ABCC8: variants seen among roughly 807,000 people sequenced by gnomAD.
The protein encoded by ABCC8 is ATP binding cassette subfamily C member 8, also known as ATP-binding cassette sub-family C member 8.
In ABCC8, 137 loss-of-function variants were observed where a neutral mutation model predicts 188.0. That is an observed-to-expected ratio of 0.73 (90% CI 0.63 to 0.84). ABCC8 has a LOEUF of 0.84. Ranked by LOEUF, ABCC8 falls within the 40% of genes least tolerant of loss-of-function variation. The pLI is 0.00. For missense variants in ABCC8, 1,750 were observed against 2,072.7 expected, an observed-to-expected ratio of 0.84 and a Z score of 3.02; for synonymous variants, 797 against 846.5, an observed-to-expected ratio of 0.94 and a Z score of 1.01.
rs1954871793 is a variant in ABCC8 at position 17,412,679 on chromosome 11, T to C, written c.2543A>G (p.Asn848Ser). 6.2e-7 allele frequency: 1 copy of C among 1,611,700 alleles called. No individual in the cohort carries two copies. The highest frequency in any genetic ancestry group is 8.5e-7 in the Non-Finnish European group (1 of 1,178,904). Reference sequence around the variant, plus strand: ...ACTTGCACTCACCAAGAAGACAACGTTGGCGTGCTGGTAGAGGGCTCGGGC... The same window carrying C: ...ACTTGCACTCACCAAGAAGACAACGCTGGCGTGCTGGTAGAGGGCTCGGGC... ...SVARALYQHA[N>S]VVFLDDPFSA... The change falls in exon 21 of 39, where the codon AAC becomes AGC. Residue 848 changes from asparagine (N) to serine (S), a missense_variant. Coordinates refer to ENST00000389817, the MANE Select transcript of ABCC8 (RefSeq NM_000352.6).
At chr11:17,439,824 C>CT (rs1591825895) in intron 10 of ABCC8, among the ~76,000 whole-genome samples, 1 of 152,066 alleles carries the variant, frequency 6.6e-6, no homozygotes, top group Non-Finnish European at 1.5e-5. Context: ...TCCAGAGCCC[C>CT]TTTTTTCCAG....
intron 7 of ABCC8, among the ~76,000 whole-genome samples, chr11:17,450,246 T>C (rs973385331): frequency 8.8e-4 from 60 of 67,938 alleles, no homozygotes; most frequent in African/African-American, 3.0e-3. Flanking sequence ...TCTTTTCTTT[T>C]TCTTTCTTTC....
chr11:17,412,958 G>T (rs776437840), intron 20 of ABCC8: 2 of 1,078,420 alleles, frequency 1.9e-6, no homozygotes, highest in Non-Finnish European at 2.6e-6. Context: ...AAGATTCATT[G>T]TGTAGGCGCT....
chr11:17,454,048 G>A (rs113519523), intron 6 of ABCC8, among the ~76,000 whole-genome samples: 28 of 152,312 alleles, frequency 1.8e-4, no homozygotes, highest in African/African-American at 6.0e-4. Context: ...CTCCCCAGCA[G>A]AGCCACATCA....
At chr11:17,435,182 C>T (rs1157554322) in intron 10 of ABCC8, among the ~76,000 whole-genome samples, 5 of 152,168 alleles carry the variant, frequency 3.3e-5, no homozygotes, top group African/African-American at 9.7e-5. Flanking sequence ...CCTCCACCCC[C>T]GCCTCTCTTC....
In ABCC8 at chr11:17,461,659, G is replaced by C; in HGVS notation, c.746C>G (p.Ala249Gly). ...CATGGCGATGGGCAGCTTCCCGATG[G>C]CTCGCAAGTCGATGGGCTTCTTGTG... Reference protein sequence around the residue: ...TAHKKPIDLRAIGKLPIAMRA... With the variant: ...TAHKKPIDLRGIGKLPIAMRA... Residue 249 changes from alanine to glycine, a missense_variant, in exon 5 of 39, where the codon GCC (alanine) becomes GGC (glycine). Physicochemically the swap from Ala to Gly is moderately conservative, Grantham distance 60. Coordinates refer to ENST00000389817, the MANE Select transcript of ABCC8 (RefSeq NM_000352.6). The C allele has an allele frequency of 4.3e-6, 7 of 1,614,250 alleles. No homozygotes were observed. The highest frequency in any genetic ancestry group is 5.9e-6 in the Non-Finnish European group (7 of 1,180,048).
chr11:17,461,301 G>T (rs977962720), intron 5 of ABCC8: 4 of 511,552 alleles, frequency 7.8e-6, no homozygotes, highest in Non-Finnish European at 1.4e-5. Context: ...GTCCAGTGGG[G>T]TCACTTCCCT....
At chr11:17,436,005 G>A (rs1019477133) in intron 10 of ABCC8, 9 of 1,515,630 alleles carry the variant, frequency 5.9e-6, no homozygotes, top group Non-Finnish European at 8.2e-6. Flanking sequence ...GAGACCAACT[G>A]TAGATAGTGA....
intron 20 of ABCC8, 82 bp downstream of exon 20, chr11:17,413,312 C>T (rs1954904791): frequency 1.3e-6 from 2 of 1,563,650 alleles, no homozygotes; most frequent in South Asian, 2.2e-5. Flanking sequence ...TTCCTAGTTA[C>T]CCATTGTCCT....
At position 17,430,372 on chromosome 11, in the gene ABCC8, G is replaced by A. The variant is rs147864425; in HGVS notation, c.1817+442C>T. The A allele has an allele frequency of 7.2e-3, 2,288 of 316,196 alleles. 13 individuals are homozygous for A. Among genetic ancestry groups the A allele is most frequent in the Middle Eastern group, 0.011 (10 of 870 alleles). 19.6% of individuals were successfully genotyped at this position (316,196 alleles called of 1,614,324 possible). ...TGGCTGAGGCTGTGAGGGCTCAGGG[G>A]CTGTGGAAAGGGTAGGGGATACTTG... On this transcript the variant is annotated intron_variant, in intron 12 of 38. Transcript: ENST00000389817.
intron 12 of ABCC8, 177 bp from the exon 13 acceptor site, chr11:17,428,847 G>T (rs917337365): frequency 4.2e-6 from 5 of 1,195,324 alleles, no homozygotes; most frequent in Non-Finnish European, 5.7e-6. Flanking sequence ...TGTTACCAGG[G>T]TTTGCTAGGG....
chr11:17,411,905 T>C (rs1954823575), intron 21 of ABCC8, among the ~76,000 whole-genome samples: 1 of 151,238 alleles, frequency 6.6e-6, no homozygotes, highest in African/African-American at 2.4e-5. Flanking sequence ...TTTTTTTTTT[T>C]TTTTTTGAGA....
At chr11:17,452,642 G>A (rs28650167) in intron 7 of ABCC8, among the ~76,000 whole-genome samples, 3,984 of 152,294 alleles carry the variant, frequency 0.026, 173 homozygotes, top group African/African-American at 0.092. Context: ...GTTCCTAACA[G>A]GCCATGGACC....
In ABCC8 at chr11:17,427,256, T is replaced by A; in HGVS notation, c.2117-102A>T. 1 of 1,382,268 alleles carries A rather than the reference T, an allele frequency of 7.2e-7. No individual in the cohort carries two copies. Among genetic ancestry groups the A allele is most frequent in the Admixed American group, 3.1e-5 (1 of 31,888 alleles). The allele number at this position is 1,382,268 out of a possible 1,614,324, so 85.6% of individuals were successfully genotyped here. A position where few individuals can be genotyped will look rare whatever the true frequency, so the allele number is the denominator to read the frequency against. On this transcript the variant is annotated intron_variant, in intron 15 of 38. Transcript: ENST00000389817. This position sits in a 1 kb window ranked among gnomAD's most constrained non-coding sequence, Gnocchi z 5.0. ...CAGATGCACCCAACCCTGGGGCCCC[T>A]GTTTTCTTTCTTCCTACCTAGAATC...
At position 17,395,656 on chromosome 11, in the gene ABCC8, G is replaced by T; in HGVS notation, c.4261C>A (p.Leu1421Ile). 1 of 1,560,980 alleles carries T rather than the reference G, an allele frequency of 6.4e-7. No individual in the cohort carries two copies. Among genetic ancestry groups the T allele is most frequent in the Non-Finnish European group, 8.7e-7 (1 of 1,152,624 alleles). ...KLPLHTLRSR[L>I]SIILQDPVLF... ...ACGGGGTCCTGCAGGATGATGGAGA[G>T]GCGTGAGCGCAGGGTGTGCAGCGGC... The change falls in exon 35 of 39, where the codon CTC (leucine) becomes ATC (isoleucine). Residue 1421 changes from leucine to isoleucine, a missense_variant. Leu to Ile is a conservative substitution (Grantham distance 5, BLOSUM62 2). Coordinates refer to ENST00000389817, the MANE Select transcript of ABCC8 (RefSeq NM_000352.6).
intron 16 of ABCC8, among the ~76,000 whole-genome samples, chr11:17,425,416 G>A (rs1381080081): frequency 2.0e-5 from 3 of 152,316 alleles, no homozygotes; most frequent in South Asian, 4.1e-4. Flanking sequence ...CTGTACTCAT[G>A]CTTATGAAAA....
chr11:17,460,370 G>A (rs1324821725), intron 6 of ABCC8, 118 bp downstream of exon 6: 18 of 1,476,334 alleles, frequency 1.2e-5, no homozygotes, highest in East Asian at 4.5e-5. Flanking sequence ...TGGGCTTTGC[G>A]CATGTGTGAG....
rs1309275617 is a variant in ABCC8 at position 17,460,662 on chromosome 11, C to T, written c.837G>A (p.Gln279=). The T allele has an allele frequency of 6.2e-7, 1 of 1,609,666 alleles. No individual in the cohort carries two copies. Among genetic ancestry groups the T allele is most frequent in the Non-Finnish European group, 8.5e-7 (1 of 1,179,994 alleles). The stretch of plus-strand genomic sequence containing the variant: ...AGATGGCCCGGGCACCTTGAGTGCC[C>T]TGAATGTCCTTCCGCTGCCCAGAGA... ...AFDAQVRKDI[Q]GTQGARAIWQ... Residue 279 remains glutamine (Q), a synonymous_variant, in exon 6 of 39, where the codon CAG becomes CAA. Transcript: ENST00000389817.
chr11:17,407,150 C>T, intron 24 of ABCC8, 21 bp from the exon 25 acceptor site: 2 of 1,606,478 alleles, frequency 1.2e-6, no homozygotes, highest in South Asian at 1.1e-5. Context: ...CAAGAACCCA[C>T]TCTGTGGCTA....
Sources: gnomAD v4.1 joint callset for allele counts (sites outside exome capture counted in the v4.1 genomes callset) on GRCh38, gnomAD v4.1.1 for gene constraint, Gnocchi (gnomAD v3.1) non-coding constraint, MANE v1.5 for transcripts, NCBI Gene and HGNC (gene_info 2026-07-23, HGNC 2026-07-21) for gene names.